COL14A1: variants seen among roughly 807,000 people sequenced by gnomAD.
COL14A1 encodes the protein collagen alpha-1(XIV) chain.
In COL14A1, 136 loss-of-function variants were observed where a neutral mutation model predicts 230.3. The ratio of observed to expected loss-of-function variants is 0.59; its 90% CI spans 0.51 to 0.68. The LOEUF (loss-of-function observed/expected upper bound fraction) is 0.68. COL14A1 is among the 30% of genes least tolerant of loss of function. COL14A1 has a pLI of 0.00. For missense variants in COL14A1, 1,976 were observed against 2,215.8 expected, an observed-to-expected ratio of 0.89 and a Z score of 2.17; for synonymous variants, 792 against 784.1, an observed-to-expected ratio of 1.01 and a Z score of -0.17.
Position 120,369,493 on chromosome 8 carries a change from T to TAAGCC in COL14A1, c.5311+8_5311+9insAAGCC. 1.3e-6 allele frequency: 2 copies of TAAGCC among 1,541,842 alleles called. No homozygotes were observed. Among genetic ancestry groups the TAAGCC allele is most frequent in the Non-Finnish European group, 1.8e-6 (2 of 1,140,528 alleles). On this transcript the variant is annotated intron_variant, in intron 47 of 47. Transcript: ENST00000297848. Reference sequence around the variant, plus strand: ...CTGCCTATGGTGTGAGAGGTAAGTGTCACAAAAAGCCCCGCTTGTGGGCTT... The same window carrying TAAGCC: ...CTGCCTATGGTGTGAGAGGTAAGTGTAAGCCCACAAAAAGCCCCGCTTGTGGGCTT...
rs1463479513 is a variant in COL14A1 at position 120,370,202 on chromosome 8, G to T, written c.5311+717G>T. 6.9e-6 allele frequency: 6 copies of T among 863,352 alleles called. 1 individual carries two copies. Among genetic ancestry groups the T allele is most frequent in the Non-Finnish European group, 1.1e-5 (6 of 543,784 alleles). The allele number at this position is 863,352 out of a possible 1,614,324, so 53.5% of individuals were successfully genotyped here. On this transcript the variant is annotated intron_variant, in intron 47 of 47. Transcript: ENST00000297848. The stretch of plus-strand genomic sequence containing the variant: ...GGGCCATGAACTTACTAGTTAATGG[G>T]TTTAAAATTTTCTGCTTCAGTAGAA...
chr8:120,270,096 T>C lies in COL14A1; in HGVS notation c.3135T>C (p.Asp1045=), dbSNP rs748144078. Residue 1045 remains aspartate, a synonymous_variant, in exon 26 of 48, where the codon GAT becomes GAC. Coordinates refer to ENST00000297848, the MANE Select transcript of COL14A1 (RefSeq NM_021110.4). The part of the protein sequence containing the change: ...FMVDGSWSIG[D]ENFNKIISFL... The stretch of plus-strand genomic sequence containing the variant: ...TGGATGGATCCTGGAGCATTGGAGA[T>C]GAAAATTTCAATAAGATCATCAGCT... The C allele has an allele frequency of 2.2e-5, 35 of 1,611,522 alleles. No homozygotes were observed. The highest frequency in any genetic ancestry group is 3.3e-4 in the Middle Eastern group (2 of 6,072).
chr8:120,231,555 G>C lies in COL14A1; in HGVS notation c.2286G>C (p.Val762=). Residue 762 remains valine, a synonymous_variant, in exon 19 of 48, where the codon GTG becomes GTC. Transcript: ENST00000297848. The stretch of plus-strand genomic sequence containing the variant: ...AATGGGACATTTCTGACAGCGATGT[G>C]CAGCAGTTTAGGGTGACCTACATGA... ...RVKWDISDSD[V]QQFRVTYMTA... 2 of 1,614,046 alleles carry C rather than the reference G, an allele frequency of 1.2e-6. No individual in the cohort carries two copies. Among genetic ancestry groups the C allele is most frequent in the South Asian group, 2.2e-5 (2 of 91,074 alleles).
intron 45 of COL14A1, among the ~76,000 whole-genome samples, chr8:120,360,492 G>A (rs1823155663): frequency 1.3e-5 from 2 of 152,270 alleles, no homozygotes; most frequent in African/African-American, 2.4e-5. Flanking sequence ...GGCATGCTCT[G>A]TTGTCTCTCA....
intron 34 of COL14A1, among the ~76,000 whole-genome samples, chr8:120,292,061 G>A (rs928060342): frequency 3.3e-5 from 5 of 151,996 alleles, no homozygotes; most frequent in African/African-American, 1.2e-4. Flanking sequence ...CATGTGTGAT[G>A]TTGACAATAG....
chr8:120,216,787 C>G (rs907907147), intron 14 of COL14A1, among the ~76,000 whole-genome samples: 1 of 152,170 alleles, frequency 6.6e-6, no homozygotes, highest in African/African-American at 2.4e-5. Flanking sequence ...GGAGCTGTAG[C>G]AGGTCTCCAT....
At chr8:120,212,655 A>T in intron 13 of COL14A1, 78 bp downstream of exon 13, 1 of 1,534,186 alleles carries the variant, frequency 6.5e-7, no homozygotes, top group Non-Finnish European at 8.9e-7. Context: ...TGGAACTACT[A>T]GTTTTGTTGA....
At chr8:120,159,985 C>T (rs576190883) in intron 3 of COL14A1, among the ~76,000 whole-genome samples, 2 of 152,268 alleles carry the variant, frequency 1.3e-5, no homozygotes, top group East Asian at 3.9e-4. Flanking sequence ...AGCTATCACG[C>T]CCAGCCTGAT....
chr8:120,333,788 TA>T (rs1821952311), intron 42 of COL14A1, among the ~76,000 whole-genome samples: 1 of 152,202 alleles, frequency 6.6e-6, no homozygotes, highest in East Asian at 1.9e-4. Context: ...AGGCCTCCCG[TA>T]GTCCTTGGCT....
intron 1 of COL14A1, among the ~76,000 whole-genome samples, chr8:120,144,347 G>A (rs916379734): frequency 1.3e-5 from 2 of 152,098 alleles, no homozygotes; most frequent in African/African-American, 4.8e-5. Context: ...TAAAAAAAGC[G>A]ATAATTGCCA....
At chr8:120,337,498 T>C (rs1822126284) in intron 42 of COL14A1, among the ~76,000 whole-genome samples, 1 of 152,130 alleles carries the variant, frequency 6.6e-6, no homozygotes, top group Non-Finnish European at 1.5e-5. Context: ...AGAAGAATAT[T>C]CTTATAGATT....
At chr8:120,354,157 C>T (rs1424719221) in intron 45 of COL14A1, among the ~76,000 whole-genome samples, 8 of 109,362 alleles carry the variant, frequency 7.3e-5, no homozygotes, top group East Asian at 5.2e-4. Flanking sequence ...AACCAAACAC[C>T]GCATATTCTC....
intron 45 of COL14A1, among the ~76,000 whole-genome samples, chr8:120,350,200 AC>A: frequency 6.6e-6 from 1 of 152,328 alleles, no homozygotes; most frequent in African/African-American, 2.4e-5. Context: ...AGATTTTGTC[AC>A]CACCATGCCT....
At chr8:120,293,739 A>G (rs919043629) in intron 34 of COL14A1, among the ~76,000 whole-genome samples, 2 of 151,968 alleles carry the variant, frequency 1.3e-5, no homozygotes, top group African/African-American at 2.4e-5. Flanking sequence ...TATATGTCCT[A>G]TCTGTACATT....
intron 24 of COL14A1, 106 bp downstream of exon 24, chr8:120,263,120 A>G: frequency 8.2e-7 from 1 of 1,222,916 alleles, no homozygotes; most frequent in Non-Finnish European, 1.1e-6. Context: ...ATTGCTGTTC[A>G]GGAATATACG....
intron 40 of COL14A1, among the ~76,000 whole-genome samples, chr8:120,319,589 T>C (rs1441572123): frequency 6.6e-6 from 1 of 152,158 alleles, no homozygotes; most frequent in Non-Finnish European, 1.5e-5. Flanking sequence ...CTGAAGCCAA[T>C]AGTACCCCTG....
At chr8:120,184,022 A>G (rs1475348408) in intron 5 of COL14A1, among the ~76,000 whole-genome samples, 1 of 152,136 alleles carries the variant, frequency 6.6e-6, no homozygotes, top group Non-Finnish European at 1.5e-5. Flanking sequence ...TTACTTAACC[A>G]TTCTTTCTCT....
At chr8:120,137,015 C>A (rs1814737506) in intron 1 of COL14A1, among the ~76,000 whole-genome samples, 1 of 142,626 alleles carries the variant, frequency 7.0e-6, no homozygotes, top group African/African-American at 2.6e-5. Context: ...CCTGTGCTTT[C>A]AGGAAGAGTT....
At chr8:120,272,058 A>C (rs1819682970) in intron 26 of COL14A1, among the ~76,000 whole-genome samples, 1 of 151,614 alleles carries the variant, frequency 6.6e-6, no homozygotes, top group Non-Finnish European at 1.5e-5. Flanking sequence ...GGCTAAGAAA[A>C]TGTGGGCACA....
Sources: allele counts gnomAD v4.1 joint callset (sites outside exome capture counted in the v4.1 genomes callset), GRCh38; gene constraint gnomAD v4.1.1; transcripts MANE v1.5; gene names NCBI Gene and HGNC (gene_info 2026-07-23, HGNC 2026-07-21).